INPP5B: variants seen among roughly 807,000 people sequenced by gnomAD.
The protein encoded by INPP5B is inositol polyphosphate-5-phosphatase B, also known as type II inositol 1,4,5-trisphosphate 5-phosphatase.
Under a neutral mutation model 118.5 loss-of-function variants are expected in INPP5B, and 90 were observed. The ratio of observed to expected loss-of-function variants is 0.76; its 90% CI spans 0.64 to 0.90. The LOEUF (loss-of-function observed/expected upper bound fraction) is 0.90. Among genes scored for constraint, INPP5B ranks in the 40% least tolerant of loss-of-function variants. The pLI, the probability that INPP5B is intolerant of heterozygous loss-of-function variation, is 0.00. For missense variants in INPP5B, 984 were observed against 1,125.6 expected (o/e 0.87, Z 1.80); for synonymous variants, 385 against 418.9 (o/e 0.92, Z 0.99).
chr1:37,901,246 C>T (rs1291237272), intron 7 of INPP5B, among the ~76,000 whole-genome samples: 1 of 152,178 alleles, frequency 6.6e-6, no homozygotes, highest in East Asian at 1.9e-4. Flanking sequence ...GTATTAAGTA[C>T]AGCAAAGTAT....
At chr1:37,890,873 G>A (rs952944666) in intron 8 of INPP5B, among the ~76,000 whole-genome samples, 2 of 152,124 alleles carry the variant, frequency 1.3e-5, no homozygotes, top group African/African-American at 4.8e-5. Flanking sequence ...GCTAAAATAA[G>A]ATAGTCCAAA....
intron 7 of INPP5B, 101 bp downstream of exon 7, chr1:37,931,812 G>A (rs752953519): frequency 1.2e-6 from 2 of 1,608,192 alleles, no homozygotes; most frequent in Admixed American, 3.3e-5. Context: ...TCAATCGAAA[G>A]CCTGTCTTCT....
chr1:37,895,758 G>A lies in INPP5B; in HGVS notation c.533-4304C>T, dbSNP rs1355569721. Among the ~76,000 whole-genome samples, 8 of 152,286 alleles carry A rather than the reference G, an allele frequency of 5.3e-5. No homozygotes were observed. The South Asian group carries it at 6.2e-4, about 12-fold the overall frequency. On this transcript the variant is annotated intron_variant, in intron 7 of 23. Coordinates refer to ENST00000373024, the MANE Select transcript of INPP5B (RefSeq NM_005540.3). ...TCCAGCTCCTAACCGCGAGTGATCC[G>A]CCAGCCTCGGCCTCCTGAGGTGCCG...
intron 7 of INPP5B, among the ~76,000 whole-genome samples, chr1:37,904,877 CAAAA>C (rs78359312): frequency 7.7e-6 from 1 of 129,542 alleles, no homozygotes; most frequent in Non-Finnish European, 1.7e-5. Flanking sequence ...AACTCCATCT[CAAAA>C]AAAAAAAAAA....
chr1:37,934,090 C>A (rs182011445), intron 6 of INPP5B, among the ~76,000 whole-genome samples: 1 of 151,944 alleles, frequency 6.6e-6, no homozygotes, highest in Non-Finnish European at 1.5e-5. Context: ...CACGGCACCA[C>A]GCCTGGCTAA....
rs188524486 is a variant in INPP5B at position 37,862,562 on chromosome 1, G to A, written c.2627-132C>T. The A allele has an allele frequency of 2.5e-4, 162 of 660,928 alleles. No individual in the cohort carries two copies. In the East Asian group the frequency reaches 4.1e-3, roughly 17 times the overall value. The allele number at this position is 660,928 out of a possible 1,614,324, so 40.9% of individuals were successfully genotyped here. The stretch of plus-strand genomic sequence containing the variant: ...TTCATCATTGTGCAAACATCATAGC[G>A]TGTACTTAAACTTTCACAAACCTGT... On this transcript the variant is annotated intron_variant, in intron 23 of 23. Coordinates refer to ENST00000373024, the MANE Select transcript of INPP5B (RefSeq NM_005540.3).
At chr1:37,904,035 A>G (rs544200591) in intron 7 of INPP5B, among the ~76,000 whole-genome samples, 135 of 152,356 alleles carry the variant, frequency 8.9e-4, no homozygotes, top group African/African-American at 3.2e-3. Context: ...ATAAAAGATT[A>G]TAAGAAGTCA....
chr1:37,871,788 T>C (rs1642456187), intron 19 of INPP5B, among the ~76,000 whole-genome samples: 2 of 151,768 alleles, frequency 1.3e-5, no homozygotes, highest in East Asian at 2.0e-4. Context: ...TCTCAGCTAC[T>C]TGGGAGGCTG....
chr1:37,867,861 C>T (rs1038204267), intron 20 of INPP5B, among the ~76,000 whole-genome samples: 1 of 152,076 alleles, frequency 6.6e-6, no homozygotes, highest in African/African-American at 2.4e-5. Context: ...AAGTTGGCCC[C>T]ACCCATTCCC....
chr1:37,916,647 C>T (rs1040666329), intron 7 of INPP5B, among the ~76,000 whole-genome samples: 1 of 152,062 alleles, frequency 6.6e-6, no homozygotes, highest in Admixed American at 6.6e-5. Context: ...AACTCCCGAC[C>T]TCAGGTGATC....
chr1:37,895,749 G>C (rs938515375), intron 7 of INPP5B, among the ~76,000 whole-genome samples: 10 of 152,308 alleles, frequency 6.6e-5, no homozygotes, highest in Middle Eastern at 3.4e-3. Flanking sequence ...TCCTAACCGC[G>C]AGTGATCCGC....
Position 37,921,736 on chromosome 1 carries a change from G to A in INPP5B, c.532+10177C>T, listed in dbSNP as rs189650564. On this transcript the variant is annotated intron_variant, in intron 7 of 23. Transcript: ENST00000373024. The stretch of plus-strand genomic sequence containing the variant: ...ATAATGAATAAAATAAAGACCAGGC[G>A]TGGTGGCTCACGCCTGTAATCCTAG... 4.6e-5 allele frequency among the ~76,000 whole-genome samples: 7 copies of A among 152,310 alleles called. No individual in the cohort carries two copies. The South Asian group carries it at 8.3e-4, about 18-fold the overall frequency.
chr1:37,916,937 AC>A (rs1644885095), intron 7 of INPP5B, among the ~76,000 whole-genome samples: 1 of 151,616 alleles, frequency 6.6e-6, no homozygotes, highest in Admixed American at 6.6e-5. Context: ...GTCCAATAGA[AC>A]CTTTTTGATG....
rs2306426 is a variant in INPP5B at position 37,868,646 on chromosome 1, C to A, written c.2188-32G>T. The A allele has an allele frequency of 0.28, 400,528 of 1,445,972 alleles. 57,395 individuals carry two copies. Among genetic ancestry groups the A allele is most frequent in the Non-Finnish European group, 0.29 (299,433 of 1,027,696 alleles). The allele number at this position is 1,445,972 out of a possible 1,614,324, so 89.6% of individuals were successfully genotyped here. A position where few individuals can be genotyped will look rare whatever the true frequency, so the allele number is the denominator to read the frequency against. On this transcript the variant is annotated intron_variant, in intron 19 of 23. Coordinates refer to ENST00000373024, the MANE Select transcript of INPP5B (RefSeq NM_005540.3). ...AGCAATCAAGATCATGACAGAACTTCTGCCAGGCTGGCTCCAGGAAAATGC... is the reference window on the plus strand; with the variant it reads ...AGCAATCAAGATCATGACAGAACTTATGCCAGGCTGGCTCCAGGAAAATGC...
At chr1:37,933,167 T>G (rs973932629) in intron 6 of INPP5B, among the ~76,000 whole-genome samples, 1 of 152,224 alleles carries the variant, frequency 6.6e-6, no homozygotes, top group Non-Finnish European at 1.5e-5. Context: ...TAACCCATAC[T>G]TGGCCTCGTC....
At chr1:37,886,787 C>T in intron 12 of INPP5B, 101 bp downstream of exon 12, 1 of 818,136 alleles carries the variant, frequency 1.2e-6, no homozygotes, top group Non-Finnish European at 2.1e-6. Context: ...AATATTGGCA[C>T]CTTCAAACTG....
rs929261767 is a variant in INPP5B at position 37,866,539 on chromosome 1, T to C, written c.2306A>G (p.Asp769Gly). 2 of 1,590,840 alleles carry C rather than the reference T, an allele frequency of 1.3e-6. No individual in the cohort carries two copies. Among genetic ancestry groups the C allele is most frequent in the African/African-American group, 2.7e-5 (2 of 74,638 alleles). The part of the protein sequence containing the change: ...YLYRNAVQQE[D>G]LFQQPGLRSE... ...CCTCAGGCCTGGTTGCTGAAACAGA[T>C]CTTCCTGCAAAAGGGAAGACAGTAA... The change falls in exon 21 of 24, where the codon GAT becomes GGT. Residue 769 changes from aspartate (D) to glycine (G), a missense_variant. By Grantham distance (94) the Asp-to-Gly change is moderately conservative. Around this residue, in one of 2 missense-constraint regions of INPP5B, gnomAD observed 634 missense variants for 791.0 expected, o/e 0.80. Transcript: ENST00000373024.
At chr1:37,864,770 T>C (rs115743111) in intron 22 of INPP5B, 24 of 173,130 alleles carry the variant, frequency 1.4e-4, no homozygotes, top group Non-Finnish European at 2.3e-4. Context: ...GTGAAGTAAG[T>C]AGAGAGAACA....
rs1300363433 is a variant in INPP5B, at chr1:37,878,012, C to T, written c.1677+176G>A. ...GAACTTCCATGTATGAGGAAAAATG[C>T]AGAGGCATACTAAAACAATTATTAA... On this transcript the variant is annotated intron_variant, in intron 16 of 23. Coordinates refer to ENST00000373024, the MANE Select transcript of INPP5B (RefSeq NM_005540.3). 2.6e-5 allele frequency among the ~76,000 whole-genome samples: 4 copies of T among 152,240 alleles called. No individual in the cohort carries two copies. In the East Asian group the frequency reaches 5.8e-4, roughly 22 times the overall value.
Sources: gnomAD v4.1 joint callset for allele counts (sites outside exome capture counted in the v4.1 genomes callset) on GRCh38, gnomAD v4.1.1 for gene constraint, gnomAD v4.1.1 regional missense constraint, MANE v1.5 for transcripts, NCBI Gene and HGNC (gene_info 2026-07-23, HGNC 2026-07-21) for gene names.